The following MUC4 variants were observed in gnomAD, a reference collection of about 807,000 sequenced individuals.
The protein encoded by MUC4 is mucin 4, cell surface associated.
Under a neutral mutation model 257.9 loss-of-function variants are expected in MUC4, and 202 were observed. The observed-to-expected ratio is 0.78, with a 90% CI of 0.70 to 0.88. The LOEUF is 0.88. Ranked by LOEUF, MUC4 falls within the 40% of genes least tolerant of loss-of-function variation. MUC4 has a pLI of 0.00. For missense variants in MUC4, 5,976 were observed against 6,513.7 expected (o/e 0.92, Z 2.84); for synonymous variants, 2,351 against 2,757.1 (o/e 0.85, Z 4.62).
intron 24 of MUC4, among the ~76,000 whole-genome samples, chr3:195,747,801 C>T (rs1252458570): frequency 1.3e-5 from 2 of 152,260 alleles, no homozygotes; most frequent in Admixed American, 6.5e-5. Flanking sequence ...GTGGAGGTTG[C>T]AGTGAGCCGA....
Position 195,770,263 on chromosome 3 carries a change from C to A in MUC4, c.13351G>T (p.Val4451Phe). The A allele has an allele frequency of 3.1e-6, 5 of 1,613,900 alleles. No homozygotes were observed. The highest frequency in any genetic ancestry group is 3.4e-6 in the Non-Finnish European group (4 of 1,179,930). ...GGYKARWALK[V>F]TWVNAHAYPA... is the part of the protein sequence containing the mutation. The stretch of plus-strand genomic sequence containing the variant: ...TAGGCGTGGGCATTGACCCACGTGA[C>A]CTTTAGGGCCCACCTGGCCTTGTAG... Residue 4451 changes from valine (V) to phenylalanine (F), a missense_variant, in exon 6 of 25, where the codon GTC becomes TTC. By Grantham distance (50) the Val-to-Phe change is conservative (BLOSUM62 -1). Transcript: ENST00000463781.
In MUC4 at chr3:195,783,078, A is replaced by C. The variant is rs1300231470; in HGVS notation, c.8502T>G (p.Pro2834=). ...SVFTGHATSL[P]VTIPSSASSG... ...AGGATGCTGAGGAAGGGATGGTGAC[A>C]GGAAGAGAGGTGGCATGACCTGTGA... Residue 2834 remains proline, a synonymous_variant, in exon 2 of 25, where the codon CCT becomes CCG. Coordinates refer to ENST00000463781, the MANE Select transcript of MUC4 (RefSeq NM_018406.7). 3 of 746,338 alleles carry C rather than the reference A, an allele frequency of 4.0e-6. No homozygotes were observed. The highest frequency in any genetic ancestry group is 3.8e-6 in the Non-Finnish European group (2 of 528,654). 46.2% of individuals were successfully genotyped at this position (746,338 alleles called of 1,614,324 possible). A position where few individuals can be genotyped will look rare whatever the true frequency, so the allele number is the denominator to read the frequency against.
At position 195,784,655 on chromosome 3, in the gene MUC4, C is replaced by CT; in HGVS notation, c.6924_6925insA (p.Asp2309ArgfsTer25). On this transcript the variant is annotated frameshift_variant, in exon 2 of 25. Coordinates refer to ENST00000463781, the MANE Select transcript of MUC4 (RefSeq NM_018406.7). LOFTEE classifies it high-confidence loss of function. The stretch of plus-strand genomic sequence containing the variant: ...TGACCTGTGGATGCTGAGGAAGCGT[C>CT]GGTGACATGAAGAGGGGTGGCGTGA... 1 of 477,486 alleles carries CT rather than the reference C, an allele frequency of 2.1e-6. No individual in the cohort carries two copies. Among genetic ancestry groups the CT allele is most frequent in the Admixed American group, 4.5e-5 (1 of 22,030 alleles). The allele number at this position is 477,486 out of a possible 1,614,324, so 29.6% of individuals were successfully genotyped here.
At position 195,789,740 on chromosome 3, in the gene MUC4, G is replaced by C. The variant is rs756486341; in HGVS notation, c.1840C>G (p.Pro614Ala). 1.8e-5 allele frequency: 29 copies of C among 1,613,818 alleles called. No homozygotes were observed. Among genetic ancestry groups the C allele is most frequent in the African/African-American group, 2.7e-5 (2 of 74,898 alleles). Reference protein sequence around the residue: ...RHTSQQITTAPSTNHSTIHST... With the variant: ...RHTSQQITTAASTNHSTIHST... ...TGTATTGTTGAATGATTTGTTGATGGTGCCGTTGTAATTTGTTGGGATGTG... is the reference window on the plus strand; with the variant it reads ...TGTATTGTTGAATGATTTGTTGATGCTGCCGTTGTAATTTGTTGGGATGTG... Residue 614 changes from proline (P) to alanine (A), a missense_variant, in exon 2 of 25, where the codon CCA (proline) becomes GCA (alanine). Physicochemically the swap from Pro to Ala is conservative, Grantham distance 27. This residue lies in a region of MUC4 where 1,583 missense variants were observed against 1,257.4 expected (regional missense o/e 1.26). Coordinates refer to ENST00000463781, the MANE Select transcript of MUC4 (RefSeq NM_018406.7).
In MUC4 at chr3:195,788,740, A is replaced by T. The variant is rs773266110; in HGVS notation, c.2840T>A (p.Leu947His). Residue 947 changes from leucine (L) to histidine (H), a missense_variant, in exon 2 of 25, where the codon CTT (leucine) becomes CAT (histidine). Leu to His is a moderately conservative substitution (Grantham distance 99). Around this residue, in one of 44 missense-constraint regions of MUC4, gnomAD observed 1,583 missense variants for 1,257.4 expected, o/e 1.26. Transcript: ENST00000463781. ...PTPPSITSTG[L>H]TSPQTETHTL... ...GTGGGTCTCGGTTTGTGGAGATGTA[A>T]GCCCAGTGGATGTGATCGATGGAGG... 7.5e-6 allele frequency: 12 copies of T among 1,609,222 alleles called. No individual in the cohort carries two copies. Among genetic ancestry groups the T allele is most frequent in the Non-Finnish European group, 5.9e-6 (7 of 1,178,600 alleles).
intron 7 of MUC4, among the ~76,000 whole-genome samples, chr3:195,767,465 C>CCACCACCATCACCAT (rs1720847004): frequency 2.2e-5 from 3 of 138,056 alleles, no homozygotes; most frequent in African/African-American, 8.2e-5. Context: ...ACCAACACTA[C>CCACCACCATCACCAT]CACCACCATC....
chr3:195,780,534 AGGAAGACGGGTGGTGTCACCTGTGGATG>A lies in MUC4; in HGVS notation c.11018_11045del (p.Ala3673ValfsTer577). The A allele has an allele frequency of 1.3e-6, 1 of 766,702 alleles. No homozygotes were observed. The highest frequency in any genetic ancestry group is 8.0e-5 in the East Asian group (1 of 12,474). 47.5% of individuals were successfully genotyped at this position (766,702 alleles called of 1,614,324 possible). A position where few individuals can be genotyped will look rare whatever the true frequency, so the allele number is the denominator to read the frequency against. On this transcript the variant is annotated frameshift_variant, in exon 2 of 25. Transcript: ENST00000463781. LOFTEE classifies it high-confidence loss of function. ...TGGATGCTGAGGAAGTGTCCGTGAC[AGGAAGACGGGTGGTGTCACCTGTGGATG>A]CTGAGGAAGTGTCGGTGACAGGAAG...
intron 4 of MUC4, among the ~76,000 whole-genome samples, chr3:195,773,301 G>A (rs1452866089): frequency 7.1e-6 from 1 of 140,884 alleles, no homozygotes; most frequent in African/African-American, 2.7e-5. Flanking sequence ...CTTAGGGGGT[G>A]GAAACCTCTC....
Position 195,786,009 on chromosome 3 carries a change from A to C in MUC4, c.5571T>G (p.Leu1857=). Reference sequence around the variant, plus strand: ...ACACTGAGGAAGCGTCGGTGACAGGAAGAGAGGTGGTGTGACCTGAAGATG... The same window carrying C: ...ACACTGAGGAAGCGTCGGTGACAGGCAGAGAGGTGGTGTGACCTGAAGATG... ...SSASSGHTTS[L]PVTDASSVST... is the part of the protein sequence containing the mutation. Residue 1857 remains leucine, a synonymous_variant, in exon 2 of 25, where the codon CTT becomes CTG. Coordinates refer to ENST00000463781, the MANE Select transcript of MUC4 (RefSeq NM_018406.7). 1 of 1,520,176 alleles carries C rather than the reference A, an allele frequency of 6.6e-7. No homozygotes were observed. The highest frequency in any genetic ancestry group is 8.8e-7 in the Non-Finnish European group (1 of 1,130,228). 94.2% of individuals were successfully genotyped at this position (1,520,176 alleles called of 1,614,324 possible).
intron 5 of MUC4, 100 bp downstream of exon 5, chr3:195,771,552 G>A: frequency 7.3e-7 from 1 of 1,360,902 alleles, no homozygotes; most frequent in Middle Eastern, 2.6e-4. Context: ...CTGCTGCAGG[G>A]GCTGTCACAG....
chr3:195,788,652 A>T lies in MUC4; in HGVS notation c.2928T>A (p.Pro976=). 6.2e-7 allele frequency: 1 copy of T among 1,610,794 alleles called. No individual in the cohort carries two copies. Among genetic ancestry groups the T allele is most frequent in the South Asian group, 1.1e-5 (1 of 90,440 alleles). ...CCGAGGAAGCGTAGGTGACAGGAAG[A>T]GGGGTGGCGTTGCTGATGAGGGCCG... The part of the protein sequence containing the change: ...FTTALISNAT[P]LPVTYASSAS... The change falls in exon 2 of 25, where the codon CCT becomes CCA. Residue 976 remains proline, a synonymous_variant. Coordinates refer to ENST00000463781, the MANE Select transcript of MUC4 (RefSeq NM_018406.7).
intron 24 of MUC4, 104 bp downstream of exon 24, chr3:195,748,798 C>T: frequency 7.3e-7 from 1 of 1,379,158 alleles, no homozygotes; most frequent in Non-Finnish European, 9.6e-7. Flanking sequence ...CTTCCCTGGT[C>T]TCTGATCTCT....
chr3:195,761,593 A>G lies in MUC4; in HGVS notation c.14513-8T>C, dbSNP rs369770114. ...GATTGTTATTCCAGACCCCTGAGGG[A>G]CAGAGTGGGAGGTTGGCCACCCTGG... On this transcript the variant is annotated splice_polypyrimidine_tract_variant and splice_region_variant and intron_variant, in intron 14 of 24. Transcript: ENST00000463781. 699 of 1,611,076 alleles carry G rather than the reference A, an allele frequency of 4.3e-4. 2 individuals are homozygous for G. Among genetic ancestry groups the G allele is most frequent in the Non-Finnish European group, 5.8e-4 (681 of 1,177,466 alleles).
rs370969988 is a variant in MUC4 at position 195,791,558 on chromosome 3, T to C, written c.83-61A>G. The C allele has an allele frequency of 1.7e-4, 173 of 1,044,934 alleles. 1 individual carries two copies. The African/African-American group carries it at 2.4e-3, about 14-fold the overall frequency. The allele number at this position is 1,044,934 out of a possible 1,614,324, so 64.7% of individuals were successfully genotyped here. A position where few individuals can be genotyped will look rare whatever the true frequency, so the allele number is the denominator to read the frequency against. On this transcript the variant is annotated intron_variant, in intron 1 of 24. Coordinates refer to ENST00000463781, the MANE Select transcript of MUC4 (RefSeq NM_018406.7). ...ATCATGAATGAACTCCTATTCACAA[T>C]TGCTACAAATAGAATAAAATACCTA...
At chr3:195,767,834 A>ACCACCATCATTG (rs1553861180) in intron 7 of MUC4, among the ~76,000 whole-genome samples, 1 of 116,406 alleles carries the variant, frequency 8.6e-6, no homozygotes, top group African/African-American at 3.2e-5. Flanking sequence ...CACCACCATC[A>ACCACCATCATTG]CCACCACCAC....
At position 195,790,142 on chromosome 3, in the gene MUC4, A is replaced by C. The variant is rs145541520; in HGVS notation, c.1438T>G (p.Phe480Val). 2 of 1,613,902 alleles carry C rather than the reference A, an allele frequency of 1.2e-6. No homozygotes were observed. The highest frequency in any genetic ancestry group is 1.7e-6 in the Non-Finnish European group (2 of 1,179,882). Residue 480 changes from phenylalanine (F) to valine (V), a missense_variant, in exon 2 of 25, where the codon TTT becomes GTT. Transcript: ENST00000463781. ...SFSPGVSQEI[F>V]TLHETTTWPS... ...CATGTTGTTGTTTCATGTAGAGTAAATATTTCTTGAGACACACCTGGAGAG... is the reference window on the plus strand; with the variant it reads ...CATGTTGTTGTTTCATGTAGAGTAACTATTTCTTGAGACACACCTGGAGAG...
chr3:195,806,072 C>A (rs868776803), intron 1 of MUC4, among the ~76,000 whole-genome samples: 1 of 152,192 alleles, frequency 6.6e-6, no homozygotes, highest in Non-Finnish European at 1.5e-5. Flanking sequence ...GCCGAGATAA[C>A]GCCACAGCAC....
At chr3:195,776,308 A>G (rs1396106844) in intron 3 of MUC4, among the ~76,000 whole-genome samples, 81 of 53,200 alleles carry the variant, frequency 1.5e-3, no homozygotes, top group East Asian at 6.8e-3. Context: ...TACCTTCCAC[A>G]CCCATACCTT....
chr3:195,786,325 G>C lies in MUC4; in HGVS notation c.5255C>G (p.Ser1752Ter). ...ASPLLVTDASSASTGQATPLP... is the reference protein window; with the variant it reads ...ASPLLVTDAS ...AGGGGTGGCCTGACCTGTGGATGCT[G>C]AGGAAGCGTCAGTGACAAGAAGAGG... The change falls in exon 2 of 25, where the codon TCA becomes TGA. Residue 1752 changes from serine (S) to a stop codon, truncating the protein, a stop_gained. Coordinates refer to ENST00000463781, the MANE Select transcript of MUC4 (RefSeq NM_018406.7). LOFTEE classifies it high-confidence loss of function. The C allele has an allele frequency of 1.3e-6, 2 of 1,527,940 alleles. No homozygotes were observed. Among genetic ancestry groups the C allele is most frequent in the South Asian group, 1.2e-5 (1 of 83,138 alleles). 94.6% of individuals were successfully genotyped at this position (1,527,940 alleles called of 1,614,324 possible).
Sources: allele counts gnomAD v4.1 joint callset (sites outside exome capture counted in the v4.1 genomes callset), GRCh38; gene constraint gnomAD v4.1.1; regional missense constraint gnomAD v4.1.1; transcripts MANE v1.5; gene names NCBI Gene and HGNC (gene_info 2026-07-23, HGNC 2026-07-21).